ZNF827: variants seen among roughly 807,000 people sequenced by gnomAD.
ZNF827 encodes zinc finger protein 827.
A neutral mutation model predicts 102.4 loss-of-function variants in ZNF827; 13 were observed. The observed-to-expected ratio is 0.13, with a 90% confidence interval of 0.08 to 0.20. ZNF827 has a LOEUF of 0.20. ZNF827 is among the 10% of genes least tolerant of loss of function. The pLI, the probability that ZNF827 is intolerant of heterozygous loss-of-function variation, is 1.00. For missense variants in ZNF827, 1,103 were observed against 1,344.4 expected (o/e 0.82, Z 2.81); for synonymous variants, 523 against 536.2 (o/e 0.98, Z 0.34).
chr4:145,900,930 T>C (rs1054935849), intron 2 of ZNF827, among the ~76,000 whole-genome samples: 3 of 152,210 alleles, frequency 2.0e-5, no homozygotes, highest in Non-Finnish European at 4.4e-5. Context: ...CCTAGGATTT[T>C]ACTGACATTT....
At chr4:145,862,575 A>C (rs938414731) in intron 5 of ZNF827, among the ~76,000 whole-genome samples, 2 of 152,172 alleles carry the variant, frequency 1.3e-5, no homozygotes, top group African/African-American at 4.8e-5. Context: ...GAGGAAAGTG[A>C]TCCAGCCATT....
At position 145,903,161 on chromosome 4, in the gene ZNF827, T is replaced by C; in HGVS notation, c.98A>G (p.Tyr33Cys). 1 of 1,614,166 alleles carries C rather than the reference T, an allele frequency of 6.2e-7. No individual in the cohort carries two copies. The highest frequency in any genetic ancestry group is 8.5e-7 in the Non-Finnish European group (1 of 1,180,006). ...TGACGGAGTCTCTGAAGAGTTTCCA[T>C]ACCAGTGTTCTCCTTCACTGAGCTC... ...EGELSEGEHW[Y>C]GNSSETPSEA... Residue 33 changes from tyrosine to cysteine, a missense_variant, in exon 2 of 15, where the codon TAT (tyrosine) becomes TGT (cysteine). Coordinates refer to ENST00000508784, the MANE Select transcript of ZNF827 (RefSeq NM_001306215.2).
intron 9 of ZNF827, among the ~76,000 whole-genome samples, chr4:145,776,319 G>C (rs988872233): frequency 2.0e-5 from 3 of 152,030 alleles, no homozygotes; most frequent in African/African-American, 4.8e-5. Context: ...AAATTAGTCA[G>C]GTGTGGTGGC....
At chr4:145,864,508 C>T (rs1435496831) in intron 5 of ZNF827, among the ~76,000 whole-genome samples, 2 of 151,044 alleles carry the variant, frequency 1.3e-5, no homozygotes, top group East Asian at 1.9e-4. Flanking sequence ...GTGGGAGGAT[C>T]GCTTGAGCCT....
At chr4:145,801,028 AG>A (rs1159561730) in intron 8 of ZNF827, among the ~76,000 whole-genome samples, 1 of 152,252 alleles carries the variant, frequency 6.6e-6, no homozygotes, top group African/African-American at 2.4e-5. Flanking sequence ...TAAATTAAGA[AG>A]TTCACTGAGC....
chr4:145,870,735 G>T, intron 4 of ZNF827: 2 of 364,274 alleles, frequency 5.5e-6, no homozygotes, highest in Non-Finnish European at 1.0e-5. Context: ...AAAGTTTCTG[G>T]GCATTTTCTC....
At chr4:145,804,099 T>A (rs1484576086) in intron 8 of ZNF827, among the ~76,000 whole-genome samples, 1 of 152,196 alleles carries the variant, frequency 6.6e-6, no homozygotes, top group African/African-American at 2.4e-5. Context: ...TCTGGACTAG[T>A]TTATTCTTAC....
At chr4:145,888,733 C>T (rs188871474) in intron 3 of ZNF827, among the ~76,000 whole-genome samples, 2 of 152,330 alleles carry the variant, frequency 1.3e-5, no homozygotes, top group East Asian at 3.9e-4. Flanking sequence ...AGCAGTCTTC[C>T]TCACCTTTTC....
At chr4:145,842,763 A>G (rs1469275194) in intron 7 of ZNF827, among the ~76,000 whole-genome samples, 1 of 152,198 alleles carries the variant, frequency 6.6e-6, no homozygotes, top group East Asian at 1.9e-4. Context: ...TTTACAAACG[A>G]AACTACCTTA....
chr4:145,919,977 T>C (rs754580721), intron 1 of ZNF827, among the ~76,000 whole-genome samples: 1 of 152,246 alleles, frequency 6.6e-6, no homozygotes, highest in African/African-American at 2.4e-5. Context: ...TGCTATACAC[T>C]AGGCCCACCT....
chr4:145,914,501 C>T (rs1286063142), intron 1 of ZNF827, among the ~76,000 whole-genome samples: 1 of 152,194 alleles, frequency 6.6e-6, no homozygotes. Flanking sequence ...ACAGTTTTAA[C>T]CTTTACTCCT....
At chr4:145,834,236 G>A (rs1327057484) in intron 7 of ZNF827, among the ~76,000 whole-genome samples, 1 of 152,150 alleles carries the variant, frequency 6.6e-6, no homozygotes, top group Non-Finnish European at 1.5e-5. Context: ...GGTCTGAGGT[G>A]CCTGACATCC....
rs565754868 is a variant in ZNF827, at chr4:145,863,181, C to G, written c.1981+7064G>C. Among the ~76,000 whole-genome samples, 55 of 152,180 alleles carry G rather than the reference C, an allele frequency of 3.6e-4. 1 individual carries two copies. Among genetic ancestry groups the G allele is most frequent in the Admixed American group, 3.3e-3 (50 of 15,286 alleles). On this transcript the variant is annotated intron_variant, in intron 5 of 14. Coordinates refer to ENST00000508784, the MANE Select transcript of ZNF827 (RefSeq NM_001306215.2). The stretch of plus-strand genomic sequence containing the variant: ...CATTAGTCATCAGGGAAATGCAAAT[C>G]AAAACTATAATGAAACACTAGTTTA...
At chr4:145,779,737 TTCTC>T (rs1320458884) in intron 8 of ZNF827, among the ~76,000 whole-genome samples, 2 of 152,368 alleles carry the variant, frequency 1.3e-5, no homozygotes, top group Admixed American at 6.5e-5. Flanking sequence ...CTTCAGTATT[TTCTC>T]TCTTTCTTCA....
At chr4:145,789,527 C>T (rs1739374876) in intron 8 of ZNF827, among the ~76,000 whole-genome samples, 3 of 152,262 alleles carry the variant, frequency 2.0e-5, no homozygotes, top group South Asian at 2.1e-4. Context: ...ATGTATTAGA[C>T]ACTATTATTA....
At chr4:145,831,717 A>G (rs1744225839) in intron 7 of ZNF827, 1 of 152,226 alleles carries the variant, frequency 6.6e-6, no homozygotes, top group African/African-American at 2.4e-5. Context: ...CTTTTTAGAG[A>G]TATATACCAA....
chr4:145,835,981 G>T (rs13117318), intron 7 of ZNF827, among the ~76,000 whole-genome samples: 37,364 of 146,310 alleles, frequency 0.26, 5,505 homozygotes, highest in East Asian at 0.62. Flanking sequence ...CAACCCATTA[G>T]TCTGTTCTAG....
chr4:145,876,200 A>G (rs1277029935), intron 4 of ZNF827, among the ~76,000 whole-genome samples: 1 of 152,200 alleles, frequency 6.6e-6, no homozygotes, highest in African/African-American at 2.4e-5. Context: ...CATACTTTAA[A>G]TTAGTGTTTC....
chr4:145,917,780 A>T (rs1249044664), intron 1 of ZNF827, among the ~76,000 whole-genome samples: 1 of 148,186 alleles, frequency 6.7e-6, no homozygotes, highest in East Asian at 2.0e-4. Context: ...CACTTATATT[A>T]TTCCTACATC....
Sources: gnomAD v4.1 joint callset for allele counts (sites outside exome capture counted in the v4.1 genomes callset) on GRCh38, gnomAD v4.1.1 for gene constraint, MANE v1.5 for transcripts, NCBI Gene and HGNC (gene_info 2026-07-23, HGNC 2026-07-21) for gene names.